CEP112: variants seen among roughly 807,000 people sequenced by gnomAD.
The protein encoded by CEP112 is centrosomal protein 112.
Under a neutral mutation model 153.0 loss-of-function variants are expected in CEP112, and 127 were observed. The observed-to-expected ratio is 0.83, with a 90% CI of 0.72 to 0.96. The LOEUF is 0.96. Ranked by LOEUF, CEP112 falls within the 40% of genes least tolerant of loss-of-function variation. The probability of loss-of-function intolerance (pLI) is 0.00; values close to 1 mark genes in which losing one functional copy is unlikely to be tolerated. For synonymous variants in CEP112, 358 were observed against 374.4 expected (o/e 0.96, Z 0.51); for missense variants, 1,089 against 1,101.2 (o/e 0.99, Z 0.16).
At chr17:65,636,855 TC>T (rs1407640728) in intron 26 of CEP112, 8 of 375,920 alleles carry the variant, frequency 2.1e-5, no homozygotes, top group Non-Finnish European at 2.9e-5. Flanking sequence ...CAGGTGATCC[TC>T]CTGCCTTGGC....
chr17:65,808,259 T>C (rs1239024922), intron 21 of CEP112, among the ~76,000 whole-genome samples: 1 of 152,352 alleles, frequency 6.6e-6, no homozygotes, highest in Admixed American at 6.5e-5. Flanking sequence ...ACCCAATGCT[T>C]GTACTCCCAT....
At chr17:65,884,704 TTC>T (rs1333595413) in intron 20 of CEP112, among the ~76,000 whole-genome samples, 3 of 73,918 alleles carry the variant, frequency 4.1e-5, no homozygotes, top group Non-Finnish European at 1.1e-4. Context: ...AGTTTGTAGT[TTC>T]TTTTTTTTTT....
Position 66,100,011 on chromosome 17 carries a change from CAAAAT to C in CEP112, c.643-3384_643-3380del, listed in dbSNP as rs72196147. On this transcript the variant is annotated intron_variant, in intron 6 of 26. Transcript: ENST00000535342. ...CTTCAGGCATAAAAATACTACAAAT[CAAAAT>C]AAAGACAAAAATACAAAGATGTTAA... 6.5e-3 allele frequency among the ~76,000 whole-genome samples: 980 copies of C among 151,396 alleles called. 10 individuals carry two copies. Among genetic ancestry groups the C allele is most frequent in the African/African-American group, 0.023 (933 of 41,188 alleles).
chr17:65,675,357 C>G (rs1026865379), intron 24 of CEP112, among the ~76,000 whole-genome samples: 4 of 152,136 alleles, frequency 2.6e-5, no homozygotes, highest in African/African-American at 7.2e-5. Context: ...AGGTGTTCAC[C>G]ACCATGTCCA....
chr17:66,051,635 C>A (rs991476228), intron 12 of CEP112, among the ~76,000 whole-genome samples: 1 of 152,258 alleles, frequency 6.6e-6, no homozygotes, highest in Middle Eastern at 3.4e-3. Context: ...GACCTTAGTG[C>A]TGGTCCAAGG....
At chr17:66,040,157 T>C (rs1334045307) in intron 12 of CEP112, among the ~76,000 whole-genome samples, 1 of 152,214 alleles carries the variant, frequency 6.6e-6, no homozygotes, top group Non-Finnish European at 1.5e-5. Flanking sequence ...TATAAAAATT[T>C]GAACTTCTTA....
chr17:66,147,575 A>C (rs931392662), intron 4 of CEP112, among the ~76,000 whole-genome samples: 12 of 152,278 alleles, frequency 7.9e-5, no homozygotes, highest in Admixed American at 5.9e-4. Flanking sequence ...ATATCCAAAA[A>C]AGAAATCACT....
intron 12 of CEP112, among the ~76,000 whole-genome samples, chr17:66,044,800 T>C (rs2145863984): frequency 6.6e-6 from 1 of 152,268 alleles, no homozygotes; most frequent in South Asian, 2.1e-4. Flanking sequence ...ACAGTGTAAA[T>C]GTACTTAATG....
chr17:65,821,540 ATTTTTTTTTT>A (rs869059954), intron 21 of CEP112, among the ~76,000 whole-genome samples: 1 of 33,642 alleles, frequency 3.0e-5, no homozygotes, highest in East Asian at 1.2e-3. Flanking sequence ...ATATATATAT[ATTTTTTTTTT>A]TTTTTTTTTT....
chr17:65,653,069 C>A (rs2045868770), intron 24 of CEP112, among the ~76,000 whole-genome samples: 1 of 152,154 alleles, frequency 6.6e-6, no homozygotes, highest in Non-Finnish European at 1.5e-5. Flanking sequence ...GGGGACCTAC[C>A]CTCATGACCT....
At chr17:66,068,700 G>T (rs532697237) in intron 9 of CEP112, among the ~76,000 whole-genome samples, 3 of 152,044 alleles carry the variant, frequency 2.0e-5, no homozygotes, top group Admixed American at 6.6e-5. Context: ...TTGCTGGAAA[G>T]AATTTTATTA....
chr17:65,711,071 T>C (rs985981223), intron 23 of CEP112, among the ~76,000 whole-genome samples: 11 of 152,224 alleles, frequency 7.2e-5, no homozygotes, highest in African/African-American at 7.2e-5. Context: ...ACTTTCTCTC[T>C]AGCAGCGTGG....
intron 17 of CEP112, among the ~76,000 whole-genome samples, chr17:65,996,129 C>CGTGTGTGT (rs3055983): frequency 1.4e-3 from 211 of 145,798 alleles, no homozygotes; most frequent in Middle Eastern, 3.5e-3. Context: ...GAAAAATATA[C>CGTGTGTGT]GTGTGTGTGT....
chr17:65,829,225 A>AT (rs925166533), intron 21 of CEP112, among the ~76,000 whole-genome samples: 2 of 152,194 alleles, frequency 1.3e-5, no homozygotes, highest in East Asian at 3.9e-4. Context: ...CTTTCTATTT[A>AT]TTTTTTTACC....
At chr17:65,671,473 G>A (rs192157893) in intron 24 of CEP112, among the ~76,000 whole-genome samples, 175 of 152,292 alleles carry the variant, frequency 1.1e-3, no homozygotes, top group Middle Eastern at 6.8e-3. Context: ...AAGAGGACTT[G>A]GAGGCTTTCT....
At chr17:66,052,844 T>C (rs1342650622) in intron 12 of CEP112, among the ~76,000 whole-genome samples, 4 of 152,194 alleles carry the variant, frequency 2.6e-5, no homozygotes, top group African/African-American at 9.6e-5. Context: ...TGGTTGATCA[T>C]GACTGTAATC....
At chr17:65,916,351 G>T (rs2060491258) in intron 19 of CEP112, among the ~76,000 whole-genome samples, 1 of 149,936 alleles carries the variant, frequency 6.7e-6, no homozygotes, top group Non-Finnish European at 1.5e-5. Flanking sequence ...CCATCACAAG[G>T]GTAAAGACTC....
chr17:65,930,457 T>G (rs2061080420), intron 18 of CEP112, among the ~76,000 whole-genome samples: 1 of 152,226 alleles, frequency 6.6e-6, no homozygotes, highest in African/African-American at 2.4e-5. Context: ...CATTGAAGTT[T>G]GAATGCCCTC....
chr17:65,861,133 C>A (rs375365822), intron 20 of CEP112, among the ~76,000 whole-genome samples: 2 of 152,224 alleles, frequency 1.3e-5, no homozygotes, highest in East Asian at 3.9e-4. Flanking sequence ...ATTAATGGGT[C>A]TGAGTTTTTG....
Sources: gnomAD v4.1 joint callset for allele counts (sites outside exome capture counted in the v4.1 genomes callset) on GRCh38, gnomAD v4.1.1 for gene constraint, MANE v1.5 for transcripts, NCBI Gene and HGNC (gene_info 2026-07-23, HGNC 2026-07-21) for gene names.